Variants in TOM1L2 observed in about 807,000 individuals in gnomAD.
TOM1L2 encodes target of myb1 like 2 membrane trafficking protein, also known as TOM1-like protein 2.
In TOM1L2, 31 loss-of-function variants were observed where a neutral mutation model predicts 67.9. The observed-to-expected ratio is 0.46, with a 90% CI of 0.34 to 0.62. TOM1L2 has a LOEUF of 0.62. Ranked by LOEUF, TOM1L2 falls within the 20% of genes least tolerant of loss-of-function variation. The pLI is 0.01. For synonymous variants in TOM1L2, 256 were observed against 254.0 expected, an observed-to-expected ratio of 1.01 and a Z score of -0.07; for missense variants, 606 against 663.5, an observed-to-expected ratio of 0.91 and a Z score of 0.95.
chr17:17,883,374 T>C (rs1184221911), intron 5 of TOM1L2, among the ~76,000 whole-genome samples: 2 of 152,186 alleles, frequency 1.3e-5, no homozygotes, highest in Non-Finnish European at 2.9e-5. Context: ...ATGAAACAGG[T>C]TATGTTGATT....
At chr17:17,926,677 G>A (rs2040097790) in intron 1 of TOM1L2, among the ~76,000 whole-genome samples, 1 of 152,004 alleles carries the variant, frequency 6.6e-6, no homozygotes, top group Non-Finnish European at 1.5e-5. Context: ...AGCCAACATG[G>A]TGAAACTCCA....
chr17:17,890,167 G>T (rs144478072), intron 4 of TOM1L2, among the ~76,000 whole-genome samples: 2 of 152,154 alleles, frequency 1.3e-5, no homozygotes, highest in Admixed American at 6.5e-5. Flanking sequence ...GCTAAAAAAA[G>T]GTTGACCCAA....
At chr17:17,932,124 T>G (rs775117811) in intron 1 of TOM1L2, among the ~76,000 whole-genome samples, 8 of 152,184 alleles carry the variant, frequency 5.3e-5, no homozygotes, top group African/African-American at 1.4e-4. Context: ...TCTTCCACAC[T>G]CATAAAACAA....
At chr17:17,876,063 T>G (rs1408283707) in intron 7 of TOM1L2, among the ~76,000 whole-genome samples, 1 of 152,222 alleles carries the variant, frequency 6.6e-6, no homozygotes, top group East Asian at 1.9e-4. Context: ...TTGGCATCAT[T>G]GTATTAATTA....
At chr17:17,969,934 C>T (rs2042004586) in intron 1 of TOM1L2, among the ~76,000 whole-genome samples, 1 of 152,180 alleles carries the variant, frequency 6.6e-6, no homozygotes. Context: ...TGGGGTCACA[C>T]AGCCAAGAAA....
At chr17:17,850,169 G>T (rs572099025) in intron 13 of TOM1L2, among the ~76,000 whole-genome samples, 9 of 152,292 alleles carry the variant, frequency 5.9e-5, no homozygotes, top group African/African-American at 2.2e-4. Context: ...CATGACTCTG[G>T]GCAAGCCACT....
At position 17,850,878 on chromosome 17, in the gene TOM1L2, A is replaced by C. The variant is rs200964866; in HGVS notation, c.1338+15T>G. 2.2e-5 allele frequency: 35 copies of C among 1,613,906 alleles called. No individual in the cohort carries two copies. The South Asian group carries it at 3.6e-4, about 17-fold the overall frequency. ...CTCCACACCCCACAGATGAAATAGA[A>C]AAGTCGAGTCTCACCAGGTCGGTCC... is the stretch of plus-strand genomic sequence containing the variant. On this transcript the variant is annotated intron_variant, in intron 13 of 14. Transcript: ENST00000379504.
At chr17:17,906,182 A>C (rs1313074665) in intron 2 of TOM1L2, among the ~76,000 whole-genome samples, 1 of 148,126 alleles carries the variant, frequency 6.8e-6, no homozygotes, top group Non-Finnish European at 1.5e-5. Flanking sequence ...AAACTGGAGT[A>C]CAGTGGCATG....
intron 1 of TOM1L2, among the ~76,000 whole-genome samples, chr17:17,916,351 G>T (rs1317153046): frequency 6.6e-6 from 1 of 152,176 alleles, no homozygotes; most frequent in Non-Finnish European, 1.5e-5. Context: ...GGGATTACAG[G>T]CATGAATCAC....
intron 1 of TOM1L2, among the ~76,000 whole-genome samples, chr17:17,969,931 A>G (rs1427316433): frequency 6.6e-6 from 1 of 152,220 alleles, no homozygotes; most frequent in Non-Finnish European, 1.5e-5. Context: ...TTCTGGGGTC[A>G]CACAGCCAAG....
intron 4 of TOM1L2, among the ~76,000 whole-genome samples, chr17:17,888,133 A>C (rs1291307581): frequency 1.3e-5 from 2 of 152,190 alleles, no homozygotes; most frequent in African/African-American, 4.8e-5. Context: ...AAAGTGATGC[A>C]GCGGTGTGAG....
chr17:17,866,921 G>A lies in TOM1L2; in HGVS notation c.915C>T (p.Phe305=), dbSNP rs2036879541. Residue 305 remains phenylalanine, a synonymous_variant, in exon 9 of 15, where the codon TTC becomes TTT. Transcript: ENST00000379504. ...LNNVFLRYER[F]ERYRSGRSVQ... is the part of the protein sequence containing the mutation. ...CGGATCGGCCAGACCTGTATCGTTCGAACCTAACAGGGGAAGGGAAAGCAG... is the reference window on the plus strand; with the variant it reads ...CGGATCGGCCAGACCTGTATCGTTCAAACCTAACAGGGGAAGGGAAAGCAG... 6.2e-7 allele frequency: 1 copy of A among 1,613,962 alleles called. No homozygotes were observed. The highest frequency in any genetic ancestry group is 8.5e-7 in the Non-Finnish European group (1 of 1,179,904).
At chr17:17,933,099 T>C (rs1290642499) in intron 1 of TOM1L2, among the ~76,000 whole-genome samples, 1 of 151,798 alleles carries the variant, frequency 6.6e-6, no homozygotes, top group Non-Finnish European at 1.5e-5. Flanking sequence ...AGAGCTGGAG[T>C]GGATTTATGG....
chr17:17,905,986 C>T (rs2039079280), intron 2 of TOM1L2, among the ~76,000 whole-genome samples: 1 of 152,108 alleles, frequency 6.6e-6, no homozygotes, highest in Non-Finnish European at 1.5e-5. Context: ...CACCCTCTGT[C>T]CCAGGACTTC....
chr17:17,918,056 G>A (rs1471171451), intron 1 of TOM1L2, among the ~76,000 whole-genome samples: 1 of 152,020 alleles, frequency 6.6e-6, no homozygotes, highest in East Asian at 1.9e-4. Context: ...AGTTTTCGGT[G>A]CACAATTTTT....
chr17:17,913,113 T>C (rs1019212592), intron 1 of TOM1L2, among the ~76,000 whole-genome samples: 2 of 149,898 alleles, frequency 1.3e-5, no homozygotes, highest in African/African-American at 2.5e-5. Context: ...GGCAGGGAGG[T>C]TGCAGTGAGC....
chr17:17,904,947 T>A (rs1342179224), intron 2 of TOM1L2, among the ~76,000 whole-genome samples: 1 of 152,092 alleles, frequency 6.6e-6, no homozygotes, highest in Non-Finnish European at 1.5e-5. Context: ...CAGGTGAGCG[T>A]TCAAGGGCAG....
intron 1 of TOM1L2, among the ~76,000 whole-genome samples, chr17:17,921,294 AG>A (rs991027873): frequency 2.0e-5 from 3 of 152,204 alleles, no homozygotes; most frequent in Non-Finnish European, 4.4e-5. Flanking sequence ...CAAACAACAG[AG>A]AAAACAGAAG....
intron 12 of TOM1L2, among the ~76,000 whole-genome samples, chr17:17,856,452 G>A (rs1020518164): frequency 2.6e-5 from 4 of 152,286 alleles, no homozygotes; most frequent in African/African-American, 9.6e-5. Context: ...CAAGCTGGGT[G>A]GCAGGCAGAT....
Sources: gnomAD v4.1 joint callset for allele counts (sites outside exome capture counted in the v4.1 genomes callset) on GRCh38, gnomAD v4.1.1 for gene constraint, MANE v1.5 for transcripts, NCBI Gene and HGNC (gene_info 2026-07-23, HGNC 2026-07-21) for gene names.